IL23R: variants seen among roughly 807,000 people sequenced by gnomAD.
IL23R encodes the protein interleukin-23 receptor.
In IL23R, 34 loss-of-function variants were observed where a neutral mutation model predicts 56.9. That is an observed-to-expected ratio of 0.60 (90% CI 0.45 to 0.80). The LOEUF (loss-of-function observed/expected upper bound fraction) is 0.80. Ranked by LOEUF, IL23R falls within the 30% of genes least tolerant of loss-of-function variation. The pLI is 0.00. For synonymous variants in IL23R, 230 were observed against 249.2 expected (o/e 0.92, Z 0.73); for missense variants, 635 against 730.0 (o/e 0.87, Z 1.50).
intron 1 of IL23R, among the ~76,000 whole-genome samples, chr1:67,141,264 T>C (rs1274080865): frequency 6.6e-6 from 1 of 152,208 alleles, no homozygotes; most frequent in Non-Finnish European, 1.5e-5. Flanking sequence ...GAAATATTTT[T>C]CTACTTTGTA....
chr1:67,228,508 C>T (rs1650892395), intron 7 of IL23R, among the ~76,000 whole-genome samples: 1 of 151,540 alleles, frequency 6.6e-6, no homozygotes. Context: ...TATGATTATG[C>T]TTTTTCTTGA....
chr1:67,200,633 G>C, intron 4 of IL23R, 104 bp from the exon 5 acceptor site: 1 of 1,129,692 alleles, frequency 8.9e-7, no homozygotes, highest in South Asian at 1.3e-5. Flanking sequence ...GATCCAACCC[G>C]CTTGGTCTCC....
chr1:67,218,472 C>T lies in IL23R; in HGVS notation c.799-1102C>T, dbSNP rs535243657. Reference sequence around the variant, plus strand: ...ATTTTTTTCTAAAAGTCACCATTAGCGAGTAAAATTATTTCATCATTCAGG... The same window carrying T: ...ATTTTTTTCTAAAAGTCACCATTAGTGAGTAAAATTATTTCATCATTCAGG... On this transcript the variant is annotated intron_variant, in intron 6 of 10. Transcript: ENST00000347310. 2.0e-5 allele frequency among the ~76,000 whole-genome samples: 3 copies of T among 151,364 alleles called. No individual in the cohort carries two copies. The South Asian group carries it at 6.3e-4, about 32-fold the overall frequency.
At chr1:67,195,439 C>T (rs1463428708) in intron 4 of IL23R, among the ~76,000 whole-genome samples, 2 of 152,148 alleles carry the variant, frequency 1.3e-5, no homozygotes, top group South Asian at 2.1e-4. Flanking sequence ...ATAACAACAA[C>T]GTTATCATTC....
chr1:67,253,986 A>G (rs1652801013), intron 9 of IL23R, among the ~76,000 whole-genome samples: 3 of 152,140 alleles, frequency 2.0e-5, no homozygotes, highest in African/African-American at 7.2e-5. Context: ...ACTTTTATTT[A>G]ATACAACTAT....
At chr1:67,221,631 C>T (rs1255798161) in intron 7 of IL23R, among the ~76,000 whole-genome samples, 2 of 152,142 alleles carry the variant, frequency 1.3e-5, no homozygotes, top group Non-Finnish European at 2.9e-5. Flanking sequence ...CCCCATTAAC[C>T]TAAAGATGTC....
At chr1:67,225,945 A>G (rs188693611) in intron 7 of IL23R, among the ~76,000 whole-genome samples, 1 of 152,382 alleles carries the variant, frequency 6.6e-6, no homozygotes, top group African/African-American at 2.4e-5. Flanking sequence ...CATAAAAGAC[A>G]ACATAGGGAA....
At chr1:67,164,091 AT>A (rs1281084874), upstream of IL23R, among the ~76,000 whole-genome samples, 2 of 152,236 alleles carry the variant, frequency 1.3e-5, no homozygotes, top group Non-Finnish European at 2.9e-5. Flanking sequence ...AGGGAAAAAA[AT>A]ATTTGCAAAT....
chr1:67,145,055 T>C (rs1375986387), intron 1 of IL23R, among the ~76,000 whole-genome samples: 3 of 152,180 alleles, frequency 2.0e-5, no homozygotes, highest in Non-Finnish European at 4.4e-5. Flanking sequence ...ATTGTTTAAA[T>C]ATGAATAATA....
At chr1:67,198,911 C>G (rs542367001) in intron 4 of IL23R, among the ~76,000 whole-genome samples, 1 of 152,174 alleles carries the variant, frequency 6.6e-6, no homozygotes, top group Non-Finnish European at 1.5e-5. Flanking sequence ...CCCCACTGCA[C>G]GCCAGCCTGG....
Position 67,168,160 on chromosome 1 carries a change from C to T in IL23R, c.40C>T (p.Leu14Phe), listed in dbSNP as rs1292287814. 3.7e-6 allele frequency: 6 copies of T among 1,611,864 alleles called. No individual in the cohort carries two copies. The Admixed American group carries it at 1.0e-4, about 27-fold the overall frequency. The change falls in exon 2 of 11, where the codon CTT becomes TTT. Residue 14 changes from leucine (L) to phenylalanine (F), a missense_variant. Transcript: ENST00000347310. ...TATTCAATGGGATGCAGTAATAGCC[C>T]TTTACATACTCTTCAGCTGGTGTCA... The part of the protein sequence containing the change: ...VTIQWDAVIA[L>F]YILFSWCHGG...
At chr1:67,176,681 A>T (rs1190269886) in intron 3 of IL23R, among the ~76,000 whole-genome samples, 2 of 152,166 alleles carry the variant, frequency 1.3e-5, no homozygotes, top group African/African-American at 2.4e-5. Flanking sequence ...CATGTGCACA[A>T]CGTGCAGGCT....
At chr1:67,161,291 A>G (rs926116533) in intron 1 of IL23R, among the ~76,000 whole-genome samples, 18 of 152,160 alleles carry the variant, frequency 1.2e-4, no homozygotes, top group African/African-American at 3.9e-4. Context: ...AGAATCCTCT[A>G]TTTACGTTCC....
intron 4 of IL23R, among the ~76,000 whole-genome samples, chr1:67,199,019 C>G (rs76850710): frequency 6.6e-5 from 10 of 152,246 alleles, no homozygotes; most frequent in Non-Finnish European, 1.5e-4. Context: ...TATTGTATAG[C>G]CTTTTGATTT....
chr1:67,162,520 C>G (rs1017961419), upstream of IL23R, among the ~76,000 whole-genome samples: 1 of 152,092 alleles, frequency 6.6e-6, no homozygotes, highest in Non-Finnish European at 1.5e-5. Flanking sequence ...CCATAAGTCT[C>G]CCATATTCCT....
At chr1:67,188,617 C>T (rs1217267308) in intron 4 of IL23R, among the ~76,000 whole-genome samples, 2 of 152,182 alleles carry the variant, frequency 1.3e-5, no homozygotes, top group African/African-American at 4.8e-5. Context: ...CTTCAGGTGA[C>T]TATGACAAAG....
chr1:67,231,106 G>A (rs1043954068), intron 7 of IL23R, among the ~76,000 whole-genome samples: 2 of 152,104 alleles, frequency 1.3e-5, no homozygotes, highest in African/African-American at 2.4e-5. Flanking sequence ...ACCCCTGAAA[G>A]GTCCAGAAAA....
Position 67,182,821 on chromosome 1 carries a change from T to G in IL23R, c.368-15T>G. 6.2e-7 allele frequency: 1 copy of G among 1,613,830 alleles called. No individual in the cohort carries two copies. The highest frequency in any genetic ancestry group is 8.5e-7 in the Non-Finnish European group (1 of 1,179,790). ...ATTTCTTACAGCACCTCCTAAGTGTTATGTTTTGTTGCAGATCCGCCAGAT... is the reference window on the plus strand; with the variant it reads ...ATTTCTTACAGCACCTCCTAAGTGTGATGTTTTGTTGCAGATCCGCCAGAT... On this transcript the variant is annotated splice_polypyrimidine_tract_variant and intron_variant, in intron 3 of 10. Transcript: ENST00000347310.
chr1:67,179,429 T>C (rs1437161747), intron 3 of IL23R, among the ~76,000 whole-genome samples: 1 of 152,220 alleles, frequency 6.6e-6, no homozygotes, highest in Non-Finnish European at 1.5e-5. Context: ...TATTCTCTGA[T>C]GGTAGTTTGT....
Sources: gnomAD v4.1 joint callset for allele counts (sites outside exome capture counted in the v4.1 genomes callset) on GRCh38, gnomAD v4.1.1 for gene constraint, MANE v1.5 for transcripts, NCBI Gene and HGNC (gene_info 2026-07-23, HGNC 2026-07-21) for gene names.